The following PANK2 variants were observed in gnomAD, a reference collection of about 807,000 sequenced individuals.
The protein encoded by PANK2 is pantothenate kinase 2, also known as pantothenate kinase 2, mitochondrial.
A neutral mutation model predicts 43.1 loss-of-function variants in PANK2; 36 were observed. That is an observed-to-expected ratio of 0.84 (90% CI 0.64 to 1.10). The LOEUF is 1.10. PANK2 is among the 50% of genes least tolerant of loss of function. The probability of loss-of-function intolerance (pLI) is 0.00; values close to 1 mark genes in which losing one functional copy is unlikely to be tolerated. For synonymous variants in PANK2, 281 were observed against 238.2 expected (o/e 1.18, Z -1.66); for missense variants, 576 against 593.3 (o/e 0.97, Z 0.30).
At position 3,918,666 on chromosome 20, in the gene PANK2, C is replaced by T. The variant is rs764340923; in HGVS notation, c.1207-5C>T. 5.0e-6 allele frequency: 8 copies of T among 1,613,972 alleles called. No individual in the cohort carries two copies. The highest frequency in any genetic ancestry group is 1.3e-5 in the African/African-American group (1 of 74,906). Reference sequence around the variant, plus strand: ...AAACTAATTGCCTTTTTTTGGTGTGCTCAGAACATTAACCAGGTGGTATTT... The same window carrying T: ...AAACTAATTGCCTTTTTTTGGTGTGTTCAGAACATTAACCAGGTGGTATTT... On this transcript the variant is annotated splice_region_variant and splice_polypyrimidine_tract_variant and intron_variant, in intron 5 of 6. Transcript: ENST00000610179.
At chr20:3,909,965 A>G (rs764674962) in intron 2 of PANK2, among the ~76,000 whole-genome samples, 6 of 152,216 alleles carry the variant, frequency 3.9e-5, no homozygotes, top group Non-Finnish European at 7.3e-5. Context: ...TTTATTATTT[A>G]AATGGAATTA....
At chr20:3,895,494 T>TTTC (rs778257759) in intron 1 of PANK2, among the ~76,000 whole-genome samples, 1 of 146,964 alleles carries the variant, frequency 6.8e-6, no homozygotes, top group East Asian at 2.0e-4. Flanking sequence ...GTTTTTTTTT[T>TTTC]TTTCTTTTTT....
chr20:3,908,042 C>A lies in PANK2; in HGVS notation c.415C>A (p.Arg139=). 4.3e-6 allele frequency: 7 copies of A among 1,614,092 alleles called. No individual in the cohort carries two copies. Among genetic ancestry groups the A allele is most frequent in the Non-Finnish European group, 5.9e-6 (7 of 1,180,024 alleles). The stretch of plus-strand genomic sequence containing the variant: ...AGAAGTGGAAAGTCTTAAAAGCATT[C>A]GGAAGTACCTGACCTCCAATGTGGC... The change falls in exon 2 of 7, where the codon CGG becomes AGG. Residue 139 remains arginine (R), a synonymous_variant. Transcript: ENST00000610179.
rs1343966795 is a variant in PANK2, at chr20:3,927,345, T to A, written c.*4051T>A. The A allele has an allele frequency of 6.6e-6, 1 of 152,200 alleles. No individual in the cohort carries two copies. Among genetic ancestry groups the A allele is most frequent in the African/African-American group, 2.4e-5 (1 of 41,444 alleles). 9.4% of individuals were successfully genotyped at this position (152,200 alleles called of 1,614,324 possible). On this transcript the variant is annotated 3_prime_UTR_variant, in exon 7 of 7. Transcript: ENST00000610179. ...ATTTGCTTTTATTTACACGTTTGAGTCAATTACATGCATGTTTTATTTTTG... is the reference window on the plus strand; with the variant it reads ...ATTTGCTTTTATTTACACGTTTGAGACAATTACATGCATGTTTTATTTTTG...
In PANK2 at chr20:3,889,609, C is replaced by T. The variant is rs765767922; in HGVS notation, c.179C>T (p.Ala60Val). The T allele has an allele frequency of 3.3e-6, 5 of 1,530,842 alleles. No homozygotes were observed. Among genetic ancestry groups the T allele is most frequent in the Admixed American group, 2.0e-5 (1 of 51,138 alleles). The allele number at this position is 1,530,842 out of a possible 1,614,324, so 94.8% of individuals were successfully genotyped here. ...CCACTGCGGCGCCGGGCGAGCAGCG[C>T]GTCGGTGCCCGCGGTCGGGGCCTCG... Residue 60 changes from alanine (A) to valine (V), a missense_variant, in exon 1 of 7, where the codon GCG becomes GTG. This residue lies in a region of PANK2 where 544 missense variants were observed against 528.9 expected (regional missense o/e 1.03). Coordinates refer to ENST00000610179, the MANE Select transcript of PANK2 (RefSeq NM_001386393.1).
chr20:3,914,443 G>C (rs151143501), intron 4 of PANK2, among the ~76,000 whole-genome samples: 22 of 151,954 alleles, frequency 1.4e-4, no homozygotes, highest in African/African-American at 2.4e-4. Flanking sequence ...AGTCTCCTGA[G>C]TCACTAGGAC....
At chr20:3,890,510 C>T (rs2090104996) in intron 1 of PANK2, among the ~76,000 whole-genome samples, 3 of 152,326 alleles carry the variant, frequency 2.0e-5, no homozygotes, top group Middle Eastern at 6.8e-3. Flanking sequence ...CAATTCAGGA[C>T]CGCTGCCTGG....
At chr20:3,922,423 T>C (rs2090660751) in intron 6 of PANK2, among the ~76,000 whole-genome samples, 1 of 152,254 alleles carries the variant, frequency 6.6e-6, no homozygotes, top group Non-Finnish European at 1.5e-5. Context: ...CAGCTGCTGC[T>C]TCTGTGTCTC....
chr20:3,914,843 C>G (rs2090532952), intron 4 of PANK2, among the ~76,000 whole-genome samples: 1 of 152,040 alleles, frequency 6.6e-6, no homozygotes, highest in Non-Finnish European at 1.5e-5. Flanking sequence ...CTCCTGACCT[C>G]AAGTGATCCA....
intron 1 of PANK2, among the ~76,000 whole-genome samples, chr20:3,907,390 C>T (rs553143255): frequency 5.9e-5 from 9 of 152,180 alleles, no homozygotes; most frequent in South Asian, 2.1e-4. Context: ...TGAGCCACTG[C>T]GCTTGGCCTA....
chr20:3,911,559 G>A (rs2146869741), intron 3 of PANK2, among the ~76,000 whole-genome samples: 1 of 150,678 alleles, frequency 6.6e-6, no homozygotes, highest in Non-Finnish European at 1.5e-5. Flanking sequence ...ACTCCAGCCT[G>A]GGTGACAGAG....
In PANK2 at chr20:3,889,412, G is replaced by T; in HGVS notation, c.-19G>T. The T allele has an allele frequency of 6.4e-7, 1 of 1,571,344 alleles. No homozygotes were observed. On this transcript the variant is annotated 5_prime_UTR_variant, in exon 1 of 7. The change creates a new upstream start codon in the 5' untranslated region. Coordinates refer to ENST00000610179, the MANE Select transcript of PANK2 (RefSeq NM_001386393.1). ...GCTCTGGCTGGACTGCCGCGGAGGA[G>T]GCGAGAAGGAATCCGACGCTGGGGG...
At chr20:3,903,610 G>A (rs973649090) in intron 1 of PANK2, among the ~76,000 whole-genome samples, 5 of 150,084 alleles carry the variant, frequency 3.3e-5, no homozygotes, top group Admixed American at 6.8e-5. Context: ...GGATTTCAGC[G>A]CGTTCCACCA....
intron 3 of PANK2, 105 bp from the exon 4 acceptor site, chr20:3,912,353 G>T: frequency 8.0e-7 from 1 of 1,246,946 alleles, no homozygotes; most frequent in South Asian, 1.2e-5. Flanking sequence ...GCATTTGCAT[G>T]ATTGGGTTGG....
In PANK2 at chr20:3,927,154, A is replaced by G. The variant is rs1019891446; in HGVS notation, c.*3860A>G. 2.6e-5 allele frequency among the ~76,000 whole-genome samples: 4 copies of G among 151,976 alleles called. No homozygotes were observed. The highest frequency in any genetic ancestry group is 6.6e-5 in the Admixed American group (1 of 15,256). On this transcript the variant is annotated 3_prime_UTR_variant, in exon 7 of 7. Transcript: ENST00000610179. ...CTGACCCCACCCCCGCTTGCACACT[A>G]TGCCACAGGAAGGGCAGGGGCTTCC...
At chr20:3,914,351 T>C (rs2090525218) in intron 4 of PANK2, among the ~76,000 whole-genome samples, 1 of 152,084 alleles carries the variant, frequency 6.6e-6, no homozygotes, top group South Asian at 2.1e-4. Flanking sequence ...GGTCTCGCCC[T>C]GTTGCCCACA....
chr20:3,893,209 G>A (rs1320305363), intron 1 of PANK2, among the ~76,000 whole-genome samples: 1 of 152,140 alleles, frequency 6.6e-6, no homozygotes, highest in African/African-American at 2.4e-5. Context: ...TAGTGAGTTA[G>A]TGATGGAGTT....
In PANK2 at chr20:3,900,864, G is replaced by C. The variant is rs568797240; in HGVS notation, c.299-7062G>C. Among the ~76,000 whole-genome samples, 6 of 151,938 alleles carry C rather than the reference G, an allele frequency of 3.9e-5. 1 individual carries two copies. Among genetic ancestry groups the C allele is most frequent in the Admixed American group, 3.3e-4 (5 of 15,144 alleles). ...GCTCACTGCAACCTCTGCCTCCTGG[G>C]TTCAAGCGATTCTCCTGTCTCAGCC... On this transcript the variant is annotated intron_variant, in intron 1 of 6. Coordinates refer to ENST00000610179, the MANE Select transcript of PANK2 (RefSeq NM_001386393.1).
At chr20:3,915,892 T>A (rs62210557) in intron 4 of PANK2, among the ~76,000 whole-genome samples, 48,337 of 152,156 alleles carry the variant, frequency 0.32, 9,392 homozygotes, top group Non-Finnish European at 0.42. Context: ...TTGTATTAAG[T>A]TCTGAAGTAA....
Sources: gnomAD v4.1 joint callset for allele counts (sites outside exome capture counted in the v4.1 genomes callset) on GRCh38, gnomAD v4.1.1 for gene constraint, gnomAD v4.1.1 regional missense constraint, MANE v1.5 for transcripts, NCBI Gene and HGNC (gene_info 2026-07-23, HGNC 2026-07-21) for gene names.